The following MRS2 variants were observed in gnomAD, a reference collection of about 807,000 sequenced individuals.
MRS2 encodes the protein magnesium transporter MRS2 homolog, mitochondrial.
A neutral mutation model predicts 52.6 loss-of-function variants in MRS2; 40 were observed. That is an observed-to-expected ratio of 0.76 (90% CI 0.59 to 0.99). The LOEUF (loss-of-function observed/expected upper bound fraction) is 0.99. MRS2 is among the 50% of genes least tolerant of loss of function. The probability of loss-of-function intolerance (pLI) is 0.00; values close to 1 mark genes in which losing one functional copy is unlikely to be tolerated. For missense variants in MRS2, 472 were observed against 532.7 expected, an observed-to-expected ratio of 0.89 and a Z score of 1.12; for synonymous variants, 193 against 195.9, an observed-to-expected ratio of 0.98 and a Z score of 0.13.
At chr6:24,405,058 TA>T in intron 1 of MRS2, 109 bp from the exon 2 acceptor site, 1 of 642,028 alleles carries the variant, frequency 1.6e-6, no homozygotes, top group Non-Finnish European at 2.7e-6. Context: ...GAAAAATATT[TA>T]AAAATAATAA....
intron 5 of MRS2, 49 bp downstream of exon 5, chr6:24,412,444 G>A (rs1761699246): frequency 7.2e-7 from 1 of 1,397,228 alleles, no homozygotes; most frequent in East Asian, 2.5e-5. Context: ...ATTTTGAAAT[G>A]TCATTGAGTG....
chr6:24,414,342 G>A (rs1761765634), intron 5 of MRS2, among the ~76,000 whole-genome samples: 1 of 151,768 alleles, frequency 6.6e-6, no homozygotes, highest in African/African-American at 2.4e-5. Context: ...ATTAGGGAGT[G>A]GTGATGACTC....
chr6:24,408,913 T>TTTAAAAA (rs1761563269), intron 3 of MRS2, among the ~76,000 whole-genome samples: 1 of 152,178 alleles, frequency 6.6e-6, no homozygotes, highest in South Asian at 2.1e-4. Flanking sequence ...GATGGCTCTC[T>TTTAAAAA]GTGGACAGCT....
At chr6:24,415,747 T>C (rs1761827073) in intron 6 of MRS2, among the ~76,000 whole-genome samples, 1 of 152,186 alleles carries the variant, frequency 6.6e-6, no homozygotes, top group Admixed American at 6.5e-5. Context: ...AAATCTTAAA[T>C]TCACAAGCGA....
chr6:24,403,042 G>T lies in MRS2; in HGVS notation c.-5G>T. The T allele has an allele frequency of 6.3e-7, 1 of 1,598,368 alleles. No homozygotes were observed. The highest frequency in any genetic ancestry group is 8.5e-7 in the Non-Finnish European group (1 of 1,173,920). ...TGGCTGCTGCCTGCTTCTTGCTCCA[G>T]CACCATGGAATGCCTGCGCAGTTTA... On this transcript the variant is annotated 5_prime_UTR_variant, in exon 1 of 11. Transcript: ENST00000378386.
intron 2 of MRS2, among the ~76,000 whole-genome samples, chr6:24,407,622 C>A (rs1329213298): frequency 6.6e-6 from 1 of 152,114 alleles, no homozygotes; most frequent in Non-Finnish European, 1.5e-5. Flanking sequence ...GTATCAAATC[C>A]TCTCTTCAAA....
intron 5 of MRS2, among the ~76,000 whole-genome samples, chr6:24,412,761 T>G (rs905457369): frequency 6.6e-5 from 10 of 152,144 alleles, no homozygotes; most frequent in African/African-American, 2.2e-4. Flanking sequence ...TTCCAGTGAC[T>G]CCTCCTTTAA....
At chr6:24,417,340 C>G (rs1761885507) in intron 7 of MRS2, among the ~76,000 whole-genome samples, 1 of 152,176 alleles carries the variant, frequency 6.6e-6, no homozygotes, top group Non-Finnish European at 1.5e-5. Flanking sequence ...TGATATCATT[C>G]AAAAACATTT....
chr6:24,414,563 C>T (rs1761776790), intron 5 of MRS2, among the ~76,000 whole-genome samples: 1 of 152,114 alleles, frequency 6.6e-6, no homozygotes, highest in South Asian at 2.1e-4. Context: ...TACACAGACA[C>T]AGTAACAATC....
intron 10 of MRS2, 130 bp downstream of exon 10, chr6:24,423,180 GT>G (rs1393748813): frequency 1.5e-6 from 1 of 673,296 alleles, no homozygotes; most frequent in Non-Finnish European, 2.6e-6. Context: ...ACTTCCTTCA[GT>G]TTCCCTATCT....
chr6:24,412,355 CT>C lies in MRS2; in HGVS notation c.552del (p.Phe184LeufsTer6). The C allele has an allele frequency of 6.3e-7, 1 of 1,592,472 alleles. No homozygotes were observed. The highest frequency in any genetic ancestry group is 8.5e-7 in the Non-Finnish European group (1 of 1,171,152). On this transcript the variant is annotated frameshift_variant, in exon 5 of 11. Coordinates refer to ENST00000378386, the MANE Select transcript of MRS2 (RefSeq NM_020662.4). LOFTEE classifies it high-confidence loss of function. ...GEGQLVTYPL[P>X]FEFRAIEALL... ...GGTCAACTCGTTACATACCCTTTAC[CT>C]TTTGAGTTTAGAGCTATAGAAGCAC...
At chr6:24,422,845 T>C (rs1762093812) in intron 9 of MRS2, 92 bp from the exon 10 acceptor site, 1 of 820,688 alleles carries the variant, frequency 1.2e-6, no homozygotes, top group Non-Finnish European at 2.0e-6. Context: ...ACAAATAACA[T>C]AAGGCTTTCA....
intron 7 of MRS2, among the ~76,000 whole-genome samples, 187 bp from the exon 8 acceptor site, chr6:24,417,897 G>T (rs1047588951): frequency 6.6e-6 from 1 of 151,220 alleles, no homozygotes; most frequent in Non-Finnish European, 1.5e-5. Flanking sequence ...AGCCGAGATC[G>T]CGCCACTACA....
Position 24,425,392 on chromosome 6 carries a change from A to T in MRS2, c.*1698A>T, listed in dbSNP as rs1383595795. 2 of 152,274 alleles carry T rather than the reference A, an allele frequency of 1.3e-5. 1 individual carries two copies. 9.4% of individuals were successfully genotyped at this position (152,274 alleles called of 1,614,324 possible). On this transcript the variant is annotated 3_prime_UTR_variant, in exon 11 of 11. Transcript: ENST00000378386. The stretch of plus-strand genomic sequence containing the variant: ...CTTGGATAAAATAATTTTTTGATGA[A>T]TCATGTCAATAAAAGGAAAAATAAT...
At chr6:24,412,510 C>T (rs529584405) in intron 5 of MRS2, 115 bp downstream of exon 5, 44 of 678,402 alleles carry the variant, frequency 6.5e-5, no homozygotes, top group Middle Eastern at 3.1e-4. Context: ...CATCCTGCCC[C>T]GAAACAAGTC....
rs141849585 is a variant in MRS2, at chr6:24,412,032, A to G, written c.415-190A>G. Among the ~76,000 whole-genome samples, 1,284 of 151,302 alleles carry G rather than the reference A, an allele frequency of 8.5e-3. 7 individuals carry two copies. Among genetic ancestry groups the G allele is most frequent in the Non-Finnish European group, 0.015 (1,023 of 67,790 alleles). On this transcript the variant is annotated intron_variant, in intron 4 of 10. Coordinates refer to ENST00000378386, the MANE Select transcript of MRS2 (RefSeq NM_020662.4). ...ACCTTGATTTTTTTGAAAAACAAAAATGAACACTGATTTGGTTTAGTCTTA... is the reference window on the plus strand; with the variant it reads ...ACCTTGATTTTTTTGAAAAACAAAAGTGAACACTGATTTGGTTTAGTCTTA...
At chr6:24,422,870 A>G (rs1187981113) in intron 9 of MRS2, 67 bp from the exon 10 acceptor site, 1 of 1,079,668 alleles carries the variant, frequency 9.3e-7, no homozygotes, top group African/African-American at 1.6e-5. Flanking sequence ...CTGGGGCAGT[A>G]ACAATTCAAG....
intron 6 of MRS2, among the ~76,000 whole-genome samples, chr6:24,415,544 T>A (rs562943777): frequency 3.3e-5 from 5 of 152,222 alleles, no homozygotes; most frequent in Admixed American, 3.3e-4. Flanking sequence ...ATAACAATAT[T>A]ATATATGTAT....
intron 4 of MRS2, among the ~76,000 whole-genome samples, chr6:24,410,082 C>G (rs888871288): frequency 1.3e-5 from 2 of 152,116 alleles, no homozygotes; most frequent in African/African-American, 4.8e-5. Flanking sequence ...CAGGTTCAAG[C>G]AATTCTCCTG....
Sources: gnomAD v4.1 joint callset for allele counts (sites outside exome capture counted in the v4.1 genomes callset) on GRCh38, gnomAD v4.1.1 for gene constraint, MANE v1.5 for transcripts, NCBI Gene and HGNC (gene_info 2026-07-23, HGNC 2026-07-21) for gene names.